The following CACNA2D3 variants were observed in gnomAD, a reference collection of about 807,000 sequenced individuals.
CACNA2D3 encodes calcium voltage-gated channel auxiliary subunit alpha2delta 3, also known as voltage-dependent calcium channel subunit alpha-2/delta-3.
A neutral mutation model predicts 160.6 loss-of-function variants in CACNA2D3; 60 were observed. The observed-to-expected ratio is 0.37, with a 90% CI of 0.30 to 0.46. The LOEUF is 0.46. CACNA2D3 is among the 20% of genes least tolerant of loss of function. The pLI is 1.00. For missense variants in CACNA2D3, 1,205 were observed against 1,365.0 expected, an observed-to-expected ratio of 0.88 and a Z score of 1.85; for synonymous variants, 558 against 492.9, an observed-to-expected ratio of 1.13 and a Z score of -1.75.
chr3:54,524,205 TTTTCA>T (rs566581328), intron 5 of CACNA2D3, among the ~76,000 whole-genome samples: 1 of 152,128 alleles, frequency 6.6e-6, no homozygotes, highest in Non-Finnish European at 1.5e-5. Flanking sequence ...TGTGTGTTTG[TTTTCA>T]TTTATCTCAA....
intron 13 of CACNA2D3, among the ~76,000 whole-genome samples, chr3:54,790,864 G>A (rs1425750869): frequency 3.9e-5 from 6 of 152,090 alleles, no homozygotes; most frequent in Non-Finnish European, 7.3e-5. Context: ...CTATTGCTAG[G>A]CAGTGTCAGT....
At chr3:54,471,063 A>G (rs1268756379) in intron 4 of CACNA2D3, among the ~76,000 whole-genome samples, 1 of 152,216 alleles carries the variant, frequency 6.6e-6, no homozygotes, top group Non-Finnish European at 1.5e-5. Flanking sequence ...AGCAGACCTA[A>G]TAGACATCTA....
intron 35 of CACNA2D3, among the ~76,000 whole-genome samples, chr3:55,072,563 T>G (rs1260833950): frequency 6.6e-6 from 1 of 152,248 alleles, no homozygotes; most frequent in East Asian, 1.9e-4. Context: ...ATTTGTTAAG[T>G]TAAAATCTAT....
In CACNA2D3 at chr3:54,383,633, G is replaced by A. The variant is rs577448688; in HGVS notation, c.322-3082G>A. On this transcript the variant is annotated intron_variant, in intron 3 of 37. Coordinates refer to ENST00000474759, the MANE Select transcript of CACNA2D3 (RefSeq NM_018398.3). ...TGCAGTGCTTGCTTCGGCAGCACAT[G>A]TACTAAAATGAGAGCAATCCAGAGA... 2.1e-3 allele frequency among the ~76,000 whole-genome samples: 320 copies of A among 152,268 alleles called. 1 individual carries two copies. Among genetic ancestry groups the A allele is most frequent in the Non-Finnish European group, 4.0e-3 (271 of 68,010 alleles).
At chr3:54,935,663 T>A (rs1199171919) in intron 27 of CACNA2D3, among the ~76,000 whole-genome samples, 1 of 152,238 alleles carries the variant, frequency 6.6e-6, no homozygotes, top group Non-Finnish European at 1.5e-5. Context: ...GTTCTTGTTG[T>A]TGGGTTTTTA....
chr3:54,313,727 C>G (rs543313323), intron 2 of CACNA2D3, among the ~76,000 whole-genome samples: 2 of 151,850 alleles, frequency 1.3e-5, no homozygotes, highest in East Asian at 2.0e-4. Context: ...GCATCTTTAT[C>G]CCCTGTTGCC....
At chr3:54,217,099 G>A (rs1701477026) in intron 2 of CACNA2D3, among the ~76,000 whole-genome samples, 1 of 152,188 alleles carries the variant, frequency 6.6e-6, no homozygotes, top group Admixed American at 6.5e-5. Context: ...CAGGTGAACA[G>A]TGAGCAAGGC....
intron 2 of CACNA2D3, among the ~76,000 whole-genome samples, chr3:54,165,618 A>AAAAT (rs1700439502): frequency 6.7e-6 from 1 of 148,652 alleles, no homozygotes; most frequent in East Asian, 2.0e-4. Flanking sequence ...AAAAAAAAAA[A>AAAAT]AGAAAAATTA....
At chr3:54,830,856 C>G (rs1223195915) in intron 14 of CACNA2D3, among the ~76,000 whole-genome samples, 2 of 152,098 alleles carry the variant, frequency 1.3e-5, no homozygotes, top group East Asian at 1.9e-4. Context: ...TGCAATTTAC[C>G]CTAATGGCCA....
At chr3:54,589,541 G>A (rs1702822620) in intron 9 of CACNA2D3, among the ~76,000 whole-genome samples, 1 of 149,954 alleles carries the variant, frequency 6.7e-6, no homozygotes. Flanking sequence ...TTGTTAAAAT[G>A]GATCTCATTA....
intron 27 of CACNA2D3, among the ~76,000 whole-genome samples, chr3:54,929,016 G>A (rs1575383739): frequency 6.6e-6 from 1 of 152,128 alleles, no homozygotes; most frequent in East Asian, 1.9e-4. Context: ...AAAATGTTCT[G>A]CTGTGTGTAA....
chr3:54,162,269 A>C (rs1700359900), intron 2 of CACNA2D3, among the ~76,000 whole-genome samples: 1 of 152,124 alleles, frequency 6.6e-6, no homozygotes, highest in South Asian at 2.1e-4. Flanking sequence ...GGGGTCAGGA[A>C]TTTGGACACG....
At chr3:54,703,543 G>A (rs976274460) in intron 11 of CACNA2D3, among the ~76,000 whole-genome samples, 7 of 152,134 alleles carry the variant, frequency 4.6e-5, no homozygotes, top group African/African-American at 7.2e-5. Context: ...CTTGCTCAGC[G>A]CTGGCCACAT....
At chr3:54,817,454 A>C (rs998048208) in intron 14 of CACNA2D3, among the ~76,000 whole-genome samples, 1 of 151,790 alleles carries the variant, frequency 6.6e-6, no homozygotes, top group Non-Finnish European at 1.5e-5. Flanking sequence ...GTCCAGAAAG[A>C]CTCCATGTGG....
At chr3:55,018,405 A>G in intron 35 of CACNA2D3, 88 bp downstream of exon 35, 3 of 747,680 alleles carry the variant, frequency 4.0e-6, no homozygotes, top group Non-Finnish European at 7.1e-6. Flanking sequence ...TTGCAGGCAC[A>G]GTTACACCAA....
chr3:54,319,292 A>T (rs183647284), intron 2 of CACNA2D3, among the ~76,000 whole-genome samples: 3 of 152,224 alleles, frequency 2.0e-5, no homozygotes, highest in Non-Finnish European at 2.9e-5. Context: ...ATGTAGATTT[A>T]TATCTCAAAA....
intron 2 of CACNA2D3, among the ~76,000 whole-genome samples, chr3:54,214,828 C>T (rs1701432696): frequency 2.6e-5 from 4 of 152,208 alleles, no homozygotes; most frequent in African/African-American, 4.8e-5. Flanking sequence ...CAGAGTGAGA[C>T]GTGCTCACCA....
At chr3:54,448,742 A>G (rs931541505) in intron 4 of CACNA2D3, among the ~76,000 whole-genome samples, 5 of 152,366 alleles carry the variant, frequency 3.3e-5, no homozygotes, top group African/African-American at 1.2e-4. Context: ...CAGTGGACCC[A>G]GCTGTCTCTA....
chr3:55,044,121 C>A lies in CACNA2D3; in HGVS notation c.2987+25804C>A, dbSNP rs191616198. ...GCCTTTCCATGTAAATTTTAAAATA[C>A]GCTTGTCTAGAAATATTTTGAAAAG... is the stretch of plus-strand genomic sequence containing the variant. On this transcript the variant is annotated intron_variant, in intron 35 of 37. Coordinates refer to ENST00000474759, the MANE Select transcript of CACNA2D3 (RefSeq NM_018398.3). Among the ~76,000 whole-genome samples the A allele has an allele frequency of 3.0e-3, 457 of 152,186 alleles. 2 individuals are homozygous for A. The highest frequency in any genetic ancestry group is 0.01 in the African/African-American group (426 of 41,532).
Sources: gnomAD v4.1 joint callset for allele counts (sites outside exome capture counted in the v4.1 genomes callset) on GRCh38, gnomAD v4.1.1 for gene constraint, MANE v1.5 for transcripts, NCBI Gene and HGNC (gene_info 2026-07-23, HGNC 2026-07-21) for gene names.